SEC24D: variants seen among roughly 807,000 people sequenced by gnomAD.
SEC24D encodes SEC24 homolog D, COPII component.
In SEC24D, 69 loss-of-function variants were observed where a neutral mutation model predicts 116.9. That is an observed-to-expected ratio of 0.59 (90% CI 0.49 to 0.72). The LOEUF (loss-of-function observed/expected upper bound fraction) is 0.72. SEC24D is among the 30% of genes least tolerant of loss of function. The probability of loss-of-function intolerance (pLI) is 0.00; values close to 1 mark genes in which losing one functional copy is unlikely to be tolerated. For synonymous variants in SEC24D, 405 were observed against 442.8 expected, an observed-to-expected ratio of 0.91 and a Z score of 1.07; for missense variants, 1,131 against 1,264.1, an observed-to-expected ratio of 0.89 and a Z score of 1.60.
chr4:118,830,277 G>T (rs1046805323), intron 2 of SEC24D, among the ~76,000 whole-genome samples: 1 of 152,164 alleles, frequency 6.6e-6, no homozygotes, highest in African/African-American at 2.4e-5. Context: ...AAAAACACTG[G>T]TAAGGCCAGG....
In SEC24D at chr4:118,744,118, G is replaced by A. The variant is rs779032220; in HGVS notation, c.1865C>T (p.Ala622Val). ...QPQTNVYDSL[A>V]KDCVAHGCSV... is the part of the protein sequence containing the mutation. ...GCAGCCGTGAGCCACGCAGTCCTTG[G>A]CCAATGAGTCATAGACATTTGTTTG... The change falls in exon 15 of 23, where the codon GCC becomes GTC. Residue 622 changes from alanine to valine, a missense_variant. Coordinates refer to ENST00000280551, the MANE Select transcript of SEC24D (RefSeq NM_014822.4). The A allele has an allele frequency of 6.2e-7, 1 of 1,612,054 alleles. No homozygotes were observed. The highest frequency in any genetic ancestry group is 1.1e-5 in the South Asian group (1 of 90,724).
At chr4:118,813,487 A>G (rs1456726089) in intron 6 of SEC24D, among the ~76,000 whole-genome samples, 3 of 152,340 alleles carry the variant, frequency 2.0e-5, no homozygotes, top group Admixed American at 1.3e-4. Flanking sequence ...CCAAAGCGGC[A>G]CAGAGCATGA....
chr4:118,814,330 C>A (rs1008911324), intron 6 of SEC24D, among the ~76,000 whole-genome samples: 2 of 152,222 alleles, frequency 1.3e-5, no homozygotes, highest in South Asian at 4.1e-4. Flanking sequence ...CACAAAATAG[C>A]ATGTCCTCAG....
chr4:118,828,271 G>A (rs1053069996), intron 2 of SEC24D, among the ~76,000 whole-genome samples: 1 of 152,066 alleles, frequency 6.6e-6, no homozygotes, highest in African/African-American at 2.4e-5. Flanking sequence ...ACTACGCCCG[G>A]CTAATTTATT....
intron 8 of SEC24D, among the ~76,000 whole-genome samples, chr4:118,796,575 G>A (rs537928914): frequency 6.6e-6 from 1 of 152,264 alleles, no homozygotes; most frequent in African/African-American, 2.4e-5. Context: ...AGTGAGTGAA[G>A]ATCCCAAAGG....
At chr4:118,754,494 C>T (rs1726989160) in intron 11 of SEC24D, among the ~76,000 whole-genome samples, 1 of 152,086 alleles carries the variant, frequency 6.6e-6, no homozygotes, top group Non-Finnish European at 1.5e-5. Flanking sequence ...CATAAGGTAC[C>T]TTTTAGTCAC....
intron 3 of SEC24D, among the ~76,000 whole-genome samples, chr4:118,820,918 A>C (rs1443820471): frequency 2.0e-5 from 3 of 152,218 alleles, no homozygotes; most frequent in Non-Finnish European, 4.4e-5. Context: ...AAACATGAAA[A>C]TTTAGCCTCA....
At chr4:118,733,594 A>G (rs933171524) in intron 19 of SEC24D, among the ~76,000 whole-genome samples, 1 of 152,208 alleles carries the variant, frequency 6.6e-6, no homozygotes, top group African/African-American at 2.4e-5. Flanking sequence ...AGATGCTTGA[A>G]GTTCGCTGGG....
chr4:118,833,893 A>T (rs1414977154), intron 1 of SEC24D, among the ~76,000 whole-genome samples, 156 bp from the exon 2 acceptor site: 1 of 152,236 alleles, frequency 6.6e-6, no homozygotes, highest in East Asian at 1.9e-4. Flanking sequence ...ATATATCATT[A>T]TCCCCTAAAA....
At chr4:118,755,372 A>C (rs1171129699) in intron 11 of SEC24D, among the ~76,000 whole-genome samples, 1 of 151,918 alleles carries the variant, frequency 6.6e-6, no homozygotes, top group East Asian at 1.9e-4. Context: ...TGACAGAGCA[A>C]TACTGAAGAC....
intron 16 of SEC24D, 33 bp from the exon 17 acceptor site, chr4:118,740,841 G>A: frequency 1.2e-6 from 2 of 1,611,668 alleles, no homozygotes; most frequent in Non-Finnish European, 1.7e-6. Context: ...AATTTTGCTT[G>A]TCTTTATTCT....
chr4:118,795,936 G>A (rs1729161289), intron 8 of SEC24D, among the ~76,000 whole-genome samples: 1 of 152,156 alleles, frequency 6.6e-6, no homozygotes, highest in Non-Finnish European at 1.5e-5. Flanking sequence ...TGCCTCAAAT[G>A]AGAAAATAAT....
At chr4:118,797,057 A>G (rs1361288576) in intron 8 of SEC24D, among the ~76,000 whole-genome samples, 1 of 152,202 alleles carries the variant, frequency 6.6e-6, no homozygotes, top group African/African-American at 2.4e-5. Context: ...AAGGAATGGC[A>G]GCAGTGTAGG....
intron 15 of SEC24D, 54 bp downstream of exon 15, chr4:118,743,934 A>G (rs1726359901): frequency 2.3e-5 from 34 of 1,485,308 alleles, no homozygotes; most frequent in Non-Finnish European, 3.1e-5. Flanking sequence ...TAATCTAAAC[A>G]ACAAAATTAA....
intron 3 of SEC24D, among the ~76,000 whole-genome samples, chr4:118,819,820 G>A (rs1224960245): frequency 6.6e-6 from 1 of 152,094 alleles, no homozygotes; most frequent in Non-Finnish European, 1.5e-5. Context: ...TCAAACAGGA[G>A]TTATAACACA....
chr4:118,819,242 A>G (rs1226008205), intron 3 of SEC24D, among the ~76,000 whole-genome samples: 1 of 152,130 alleles, frequency 6.6e-6, no homozygotes, highest in Non-Finnish European at 1.5e-5. Flanking sequence ...TTTTAAAAAA[A>G]CTTTGTCTGC....
intron 8 of SEC24D, among the ~76,000 whole-genome samples, chr4:118,794,791 T>C (rs1218766881): frequency 6.6e-6 from 1 of 152,228 alleles, no homozygotes; most frequent in Non-Finnish European, 1.5e-5. Context: ...AAAATTGATT[T>C]TGTATGTACA....
At chr4:118,807,800 T>C (rs1273438418) in intron 6 of SEC24D, among the ~76,000 whole-genome samples, 1 of 152,164 alleles carries the variant, frequency 6.6e-6, no homozygotes, top group East Asian at 1.9e-4. Flanking sequence ...AGGATGTGAA[T>C]TGTTATTAGA....
In SEC24D at chr4:118,757,739, A is replaced by G. The variant is rs1727173283; in HGVS notation, c.1403T>C (p.Met468Thr). 6.2e-7 allele frequency: 1 copy of G among 1,605,900 alleles called. No individual in the cohort carries two copies. Among genetic ancestry groups the G allele is most frequent in the Non-Finnish European group, 8.5e-7 (1 of 1,177,572 alleles). Residue 468 changes from methionine to threonine, a missense_variant, in exon 11 of 23, where the codon ATG (methionine) becomes ACG (threonine). Coordinates refer to ENST00000280551, the MANE Select transcript of SEC24D (RefSeq NM_014822.4). The stretch of plus-strand genomic sequence containing the variant: ...GCCTTACTTTGGAATTTTTTCCAGC[A>G]TGGTCTTCAGTTCTTCACATATGAG... ...VKLICEELKTMLEKIPKEEQE... is the reference protein window; with the variant it reads ...VKLICEELKTTLEKIPKEEQE...
Sources: allele counts gnomAD v4.1 joint callset (sites outside exome capture counted in the v4.1 genomes callset), GRCh38; gene constraint gnomAD v4.1.1; transcripts MANE v1.5; gene names NCBI Gene and HGNC (gene_info 2026-07-23, HGNC 2026-07-21).